MAD1L1: variants seen among roughly 807,000 people sequenced by gnomAD.
MAD1L1 encodes mitotic arrest deficient 1 like 1.
In MAD1L1, 95 loss-of-function variants were observed where a neutral mutation model predicts 96.9. That is an observed-to-expected ratio of 0.98 (90% CI 0.83 to 1.16). The LOEUF is 1.16. Ranked by LOEUF, MAD1L1 falls within the 50% of genes most tolerant of loss-of-function variation. The pLI, the probability that MAD1L1 is intolerant of heterozygous loss-of-function variation, is 0.00. For synonymous variants in MAD1L1, 473 were observed against 396.6 expected, an observed-to-expected ratio of 1.19 and a Z score of -2.29; for missense variants, 1,007 against 954.4, an observed-to-expected ratio of 1.06 and a Z score of -0.73.
At chr7:1,920,888 AATAAAAAAGATTCACGGGAC>A (rs576606891) in intron 17 of MAD1L1, among the ~76,000 whole-genome samples, 1,956 of 152,360 alleles carry the variant, frequency 0.013, 35 homozygotes, top group African/African-American at 0.044. Flanking sequence ...TCATTGACTG[AATAAAAAAGATTCACGGGAC>A]ATCCGGTCCA....
intron 18 of MAD1L1, among the ~76,000 whole-genome samples, chr7:1,830,686 G>A (rs961318592): frequency 3.3e-5 from 5 of 152,220 alleles, no homozygotes; most frequent in African/African-American, 9.6e-5. Context: ...ACATAAGGCG[G>A]TGTCGTATCA....
intron 10 of MAD1L1, among the ~76,000 whole-genome samples, chr7:2,196,919 G>A (rs1394923415): frequency 6.6e-6 from 1 of 152,238 alleles, no homozygotes. Flanking sequence ...GAAACCTGCA[G>A]CGGGTCAGAC....
intron 18 of MAD1L1, among the ~76,000 whole-genome samples, chr7:1,821,999 G>A (rs1782149540): frequency 6.6e-6 from 1 of 152,138 alleles, no homozygotes; most frequent in Non-Finnish European, 1.5e-5. Flanking sequence ...GAAATCACAT[G>A]ACGGCACACG....
chr7:2,142,613 G>C lies in MAD1L1; in HGVS notation c.1073+6539C>G, dbSNP rs906573566. On this transcript the variant is annotated intron_variant, in intron 11 of 18. Coordinates refer to ENST00000265854, the MANE Select transcript of MAD1L1 (RefSeq NM_001013836.2). The surrounding 1 kb of genome is among the most constrained non-coding windows in gnomAD (Gnocchi z 4.7). ...CCTGCCACAGCCCTGGACCAGACAG[G>C]CATGGCAGGCTGCCACCGTGGAATA... Among the ~76,000 whole-genome samples, 2 of 152,256 alleles carry C rather than the reference G, an allele frequency of 1.3e-5. No homozygotes were observed. Among genetic ancestry groups the C allele is most frequent in the Non-Finnish European group, 2.9e-5 (2 of 68,038 alleles).
At chr7:1,997,818 C>A (rs146609056) in intron 14 of MAD1L1, among the ~76,000 whole-genome samples, 320 of 152,344 alleles carry the variant, frequency 2.1e-3, no homozygotes, top group Admixed American at 5.9e-3. Context: ...TCCCCAGGAC[C>A]TCCTCTGAAG....
At chr7:1,954,577 C>T (rs1037246298) in intron 16 of MAD1L1, among the ~76,000 whole-genome samples, 1 of 152,214 alleles carries the variant, frequency 6.6e-6, no homozygotes, top group Non-Finnish European at 1.5e-5. Context: ...TGACCTGACT[C>T]CTGCGGCTGC....
chr7:2,052,786 G>A (rs1033217472), intron 12 of MAD1L1, among the ~76,000 whole-genome samples: 2 of 152,162 alleles, frequency 1.3e-5, no homozygotes, highest in Non-Finnish European at 2.9e-5. Context: ...TGGCCCTGGC[G>A]CCACAGACTG....
intron 13 of MAD1L1, among the ~76,000 whole-genome samples, chr7:2,012,504 C>T (rs1782347747): frequency 1.3e-5 from 2 of 152,348 alleles, no homozygotes; most frequent in South Asian, 4.1e-4. Flanking sequence ...TAGCCTTTCC[C>T]GTGACGACTG....
At chr7:2,168,896 A>C (rs1790571056) in intron 10 of MAD1L1, among the ~76,000 whole-genome samples, 1 of 152,120 alleles carries the variant, frequency 6.6e-6, no homozygotes, top group African/African-American at 2.4e-5. Flanking sequence ...CTGAAGCGGG[A>C]GGAACACGCT....
intron 13 of MAD1L1, among the ~76,000 whole-genome samples, chr7:2,003,563 G>A (rs1269791358): frequency 1.3e-5 from 2 of 152,062 alleles, no homozygotes; most frequent in Admixed American, 6.5e-5. Context: ...CAGGCTCCAG[G>A]TGCTCCCGTG....
rs1204303030 is a variant in MAD1L1 at position 2,074,760 on chromosome 7, A to G, written c.1074-5422T>C. Among the ~76,000 whole-genome samples the G allele has an allele frequency of 6.6e-5, 10 of 152,182 alleles. No homozygotes were observed. The East Asian group carries it at 1.9e-3, about 29-fold the overall frequency. ...GGAGCTGCGAGGCAACAACTCAGTA[A>G]CCACAATGGGCAGAAGACAGGCCAT... is the stretch of plus-strand genomic sequence containing the variant. On this transcript the variant is annotated intron_variant, in intron 11 of 18. Coordinates refer to ENST00000265854, the MANE Select transcript of MAD1L1 (RefSeq NM_001013836.2).
intron 11 of MAD1L1, among the ~76,000 whole-genome samples, chr7:2,079,351 AT>A (rs1785526013): frequency 6.6e-6 from 1 of 152,210 alleles, no homozygotes. Flanking sequence ...GTCAATACAC[AT>A]TTTTCTGAAA....
At chr7:1,871,804 C>T (rs1419176092) in intron 18 of MAD1L1, among the ~76,000 whole-genome samples, 3 of 152,190 alleles carry the variant, frequency 2.0e-5, no homozygotes, top group Admixed American at 6.5e-5. Context: ...CCTGTGATGG[C>T]GGTGCAGGCT....
chr7:2,179,966 C>G (rs193021609), intron 10 of MAD1L1, among the ~76,000 whole-genome samples: 8 of 142,572 alleles, frequency 5.6e-5, no homozygotes, highest in African/African-American at 2.2e-4. Context: ...AGCAAAACTC[C>G]GTCTCAAAAA....
chr7:1,926,018 C>CA (rs761920902), intron 17 of MAD1L1, among the ~76,000 whole-genome samples: 13 of 141,798 alleles, frequency 9.2e-5, no homozygotes, highest in Non-Finnish European at 1.1e-4. Context: ...GGCTAACAGA[C>CA]AAAAAAAGAA....
chr7:2,178,777 A>C (rs1791055930), intron 10 of MAD1L1, among the ~76,000 whole-genome samples: 1 of 151,990 alleles, frequency 6.6e-6, no homozygotes, highest in Non-Finnish European at 1.5e-5. Flanking sequence ...GGCGCCTGTA[A>C]TCCCAGCTAC....
intron 18 of MAD1L1, among the ~76,000 whole-genome samples, chr7:1,886,513 G>C (rs1356641075): frequency 6.6e-6 from 1 of 152,250 alleles, no homozygotes; most frequent in Admixed American, 6.5e-5. Flanking sequence ...GACAAGAATG[G>C]GCGGCTGAGT....
At chr7:1,853,501 C>T (rs1408040726) in intron 18 of MAD1L1, among the ~76,000 whole-genome samples, 2 of 152,190 alleles carry the variant, frequency 1.3e-5, no homozygotes, top group Non-Finnish European at 2.9e-5. Flanking sequence ...ACGCTTAGCA[C>T]CAGTGTCCTC....
chr7:2,207,254 T>C (rs1792647256), intron 10 of MAD1L1, among the ~76,000 whole-genome samples: 2 of 152,138 alleles, frequency 1.3e-5, no homozygotes, highest in African/African-American at 2.4e-5. Context: ...ATATTTGGTC[T>C]TTCTGTTCCC....
Sources: gnomAD v4.1 joint callset for allele counts (sites outside exome capture counted in the v4.1 genomes callset) on GRCh38, gnomAD v4.1.1 for gene constraint, Gnocchi (gnomAD v3.1) non-coding constraint, MANE v1.5 for transcripts, NCBI Gene and HGNC (gene_info 2026-07-23, HGNC 2026-07-21) for gene names.